The following MACROD2 variants were observed in gnomAD, a reference collection of about 807,000 sequenced individuals.
MACROD2 encodes the protein ADP-ribose glycohydrolase MACROD2.
A neutral mutation model predicts 70.4 loss-of-function variants in MACROD2; 36 were observed. That is an observed-to-expected ratio of 0.51 (90% confidence interval 0.39 to 0.68). MACROD2 has a LOEUF of 0.68. MACROD2 is among the 30% of genes least tolerant of loss of function. The probability of loss-of-function intolerance (pLI) is 0.00; values close to 1 mark genes in which losing one functional copy is unlikely to be tolerated. For synonymous variants in MACROD2, 172 were observed against 178.8 expected (o/e 0.96, Z 0.30); for missense variants, 496 against 538.4 (o/e 0.92, Z 0.78).
At chr20:15,993,616 T>A (rs1240943843) in intron 15 of MACROD2, among the ~76,000 whole-genome samples, 6 of 152,106 alleles carry the variant, frequency 3.9e-5, no homozygotes, top group Non-Finnish European at 8.8e-5. Context: ...AAGCAATACA[T>A]CACTGTATAT....
At chr20:14,760,024 G>A (rs1363809360) in intron 5 of MACROD2, among the ~76,000 whole-genome samples, 2 of 152,104 alleles carry the variant, frequency 1.3e-5, no homozygotes, top group African/African-American at 4.8e-5. Flanking sequence ...CTGAGTAAGG[G>A]AAGTGCTTAC....
rs1555840107 is a variant in MACROD2, at chr20:14,862,646, T to TATATATAA, written c.418+177694_418+177695insAATATATA. 2.5e-3 allele frequency among the ~76,000 whole-genome samples: 12 copies of TATATATAA among 4,784 alleles called. 1 individual carries two copies. Among genetic ancestry groups the TATATATAA allele is most frequent in the South Asian group, 0.019 (3 of 158 alleles). 3.1% of individuals were successfully genotyped at this position (4,784 alleles called of 152,430 possible). ...ATATATATAAATATATATATAAATA[T>TATATATAA]ATATATATAAATATATATATAAATA... On this transcript the variant is annotated intron_variant, in intron 5 of 17. Transcript: ENST00000684519.
intron 5 of MACROD2, among the ~76,000 whole-genome samples, chr20:14,864,867 A>G (rs1486763989): frequency 6.6e-6 from 1 of 152,136 alleles, no homozygotes; most frequent in Non-Finnish European, 1.5e-5. Context: ...TAAGTTCCCT[A>G]TGAGAATGTT....
rs199720380 is a variant in MACROD2 at position 16,035,872 on chromosome 20, GC to G, written c.1154-5325del. Among the ~76,000 whole-genome samples the G allele has an allele frequency of 2.0e-3, 311 of 152,010 alleles. 7 individuals are homozygous for G. The East Asian group carries it at 0.049, about 24-fold the overall frequency. ...TGCGGTAAAAGGTAGGAGAAGGAAA[GC>G]CCCAACTGTCAAATGCATTTCAAGT... On this transcript the variant is annotated intron_variant, in intron 15 of 17. Coordinates refer to ENST00000684519, the MANE Select transcript of MACROD2 (RefSeq NM_001351661.2).
intron 5 of MACROD2, among the ~76,000 whole-genome samples, chr20:15,067,342 TTTTG>T (rs1040558805): frequency 3.8e-4 from 57 of 151,978 alleles, no homozygotes; most frequent in African/African-American, 7.0e-4. Context: ...TTTTGTTTTG[TTTTG>T]TTTGTTTGTT....
At chr20:15,068,383 C>G (rs1225250964) in intron 5 of MACROD2, among the ~76,000 whole-genome samples, 2 of 152,108 alleles carry the variant, frequency 1.3e-5, no homozygotes, top group East Asian at 3.8e-4. Flanking sequence ...GTGCACAGAA[C>G]AAATGCAGAA....
chr20:14,225,638 GC>G (rs2081725833), intron 3 of MACROD2, among the ~76,000 whole-genome samples: 1 of 152,156 alleles, frequency 6.6e-6, no homozygotes, highest in Non-Finnish European at 1.5e-5. Context: ...AGTGTAGTTT[GC>G]TAAGGTAGAA....
intron 4 of MACROD2, among the ~76,000 whole-genome samples, chr20:14,647,603 C>G (rs935880742): frequency 2.6e-5 from 4 of 151,896 alleles, no homozygotes; most frequent in African/African-American, 9.7e-5. Flanking sequence ...TCATTGGATC[C>G]CTTGATGCCT....
At chr20:14,338,653 T>A (rs574261612) in intron 3 of MACROD2, among the ~76,000 whole-genome samples, 1 of 152,314 alleles carries the variant, frequency 6.6e-6, no homozygotes, top group African/African-American at 2.4e-5. Context: ...GATCTGAGCA[T>A]GGGTTTAGAT....
intron 2 of MACROD2, among the ~76,000 whole-genome samples, chr20:14,083,121 TAAAAA>T (rs377207705): frequency 1.5e-5 from 2 of 136,504 alleles, no homozygotes; most frequent in East Asian, 2.1e-4. Flanking sequence ...GTCACCTTTG[TAAAAA>T]AAAAAAAAAA....
chr20:15,319,655 G>C (rs894868176), intron 6 of MACROD2, among the ~76,000 whole-genome samples: 1 of 152,158 alleles, frequency 6.6e-6, no homozygotes, highest in Non-Finnish European at 1.5e-5. Flanking sequence ...ATACCCCAAA[G>C]AGTGAACAAC....
At chr20:15,725,894 G>C (rs911759580) in intron 8 of MACROD2, among the ~76,000 whole-genome samples, 5 of 151,760 alleles carry the variant, frequency 3.3e-5, no homozygotes, top group Admixed American at 3.3e-4. Flanking sequence ...CTGCGGGTTT[G>C]TTATATAGGT....
At chr20:15,797,928 A>G (rs2147066798) in intron 8 of MACROD2, among the ~76,000 whole-genome samples, 1 of 152,338 alleles carries the variant, frequency 6.6e-6, no homozygotes, top group South Asian at 2.1e-4. Context: ...GATCTTCTGT[A>G]TAAAGTCACA....
intron 6 of MACROD2, among the ~76,000 whole-genome samples, chr20:15,345,400 T>C (rs935547730): frequency 6.6e-6 from 1 of 152,224 alleles, no homozygotes; most frequent in Non-Finnish European, 1.5e-5. Context: ...CAGCCCATGC[T>C]GTAAGAGTAT....
chr20:15,721,839 C>A (rs905127466), intron 8 of MACROD2, among the ~76,000 whole-genome samples: 1 of 152,074 alleles, frequency 6.6e-6, no homozygotes, highest in Non-Finnish European at 1.5e-5. Context: ...TCCTTGCCAA[C>A]AATAATTAGC....
intron 6 of MACROD2, among the ~76,000 whole-genome samples, chr20:15,387,218 G>A (rs2045725598): frequency 6.6e-6 from 1 of 152,162 alleles, no homozygotes. Context: ...TGTGAGGTGA[G>A]AAGTTAATGT....
At chr20:14,834,979 A>G (rs939423433) in intron 5 of MACROD2, among the ~76,000 whole-genome samples, 2 of 151,980 alleles carry the variant, frequency 1.3e-5, no homozygotes, top group African/African-American at 4.8e-5. Flanking sequence ...ATACATATGT[A>G]TATATGTTTG....
chr20:14,570,341 A>G (rs1249544189), intron 4 of MACROD2, among the ~76,000 whole-genome samples: 1 of 151,938 alleles, frequency 6.6e-6, no homozygotes, highest in African/African-American at 2.4e-5. Flanking sequence ...GGTTAGCATT[A>G]TTGTTGGAGG....
intron 3 of MACROD2, among the ~76,000 whole-genome samples, chr20:14,149,449 AT>A (rs1165033989): frequency 6.6e-6 from 1 of 152,128 alleles, no homozygotes; most frequent in African/African-American, 2.4e-5. Context: ...GCTGCAGTGA[AT>A]CTACATATGT....
Sources: allele counts gnomAD v4.1 joint callset (sites outside exome capture counted in the v4.1 genomes callset), GRCh38; gene constraint gnomAD v4.1.1; transcripts MANE v1.5; gene names NCBI Gene and HGNC (gene_info 2026-07-23, HGNC 2026-07-21).